The following SEZ6L variants were observed in gnomAD, a reference collection of about 807,000 sequenced individuals.
The protein encoded by SEZ6L is seizure related 6 homolog like.
Under a neutral mutation model 106.2 loss-of-function variants are expected in SEZ6L, and 37 were observed. The observed-to-expected ratio is 0.35, with a 90% CI of 0.27 to 0.46. The LOEUF is 0.46. SEZ6L is among the 20% of genes least tolerant of loss of function. The probability of loss-of-function intolerance (pLI) is 1.00; values close to 1 mark genes in which losing one functional copy is unlikely to be tolerated. For missense variants in SEZ6L, 1,172 were observed against 1,332.8 expected (o/e 0.88, Z 1.88); for synonymous variants, 541 against 570.4 (o/e 0.95, Z 0.73).
intron 1 of SEZ6L, among the ~76,000 whole-genome samples, chr22:26,267,430 G>T (rs1209609305): frequency 6.6e-6 from 1 of 152,212 alleles, no homozygotes; most frequent in Non-Finnish European, 1.5e-5. Flanking sequence ...GGACCTTTTT[G>T]TAGAGAGCTT....
chr22:26,237,351 C>T (rs1165727711), intron 1 of SEZ6L, among the ~76,000 whole-genome samples: 1 of 152,184 alleles, frequency 6.6e-6, no homozygotes, highest in African/African-American at 2.4e-5. Flanking sequence ...TCTGGTGCAA[C>T]GTCTCACAAA....
rs1017405674 is a variant in SEZ6L, at chr22:26,292,902, C to T, written c.591C>T (p.Pro197=). 7.4e-6 allele frequency: 12 copies of T among 1,614,046 alleles called. No homozygotes were observed. Among genetic ancestry groups the T allele is most frequent in the African/African-American group, 1.3e-5 (1 of 74,932 alleles). ...DRKESAVPTT[P]APLQISPFTS... is the part of the protein sequence containing the mutation. ...AGGAGAGTGCGGTCCCTACAACACC[C>T]GCACCCCTGCAAATCTCCCCCTTCA... The change falls in exon 2 of 17, where the codon CCC becomes CCT. Residue 197 remains proline (P), a synonymous_variant. Coordinates refer to ENST00000248933, the MANE Select transcript of SEZ6L (RefSeq NM_021115.5).
chr22:26,213,527 T>C (rs1184715942), intron 1 of SEZ6L, among the ~76,000 whole-genome samples: 1 of 152,228 alleles, frequency 6.6e-6, no homozygotes, highest in African/African-American at 2.4e-5. Flanking sequence ...TGCAGTTCAT[T>C]CACAGATCAC....
chr22:26,195,751 G>A (rs7287450), intron 1 of SEZ6L, among the ~76,000 whole-genome samples: 3,361 of 151,868 alleles, frequency 0.022, 122 homozygotes, highest in African/African-American at 0.076. Context: ...GTGTGTGTGT[G>A]TATATGTATA....
rs75990294 is a variant in SEZ6L, at chr22:26,219,256, T to G, written c.94+49493T>G. Among the ~76,000 whole-genome samples, 10 of 53,464 alleles carry G rather than the reference T, an allele frequency of 1.9e-4. No individual in the cohort carries two copies. In the South Asian group the frequency reaches 2.0e-3, roughly 11 times the overall value. 35.1% of individuals were successfully genotyped at this position (53,464 alleles called of 152,430 possible). On this transcript the variant is annotated intron_variant, in intron 1 of 16. Coordinates refer to ENST00000248933, the MANE Select transcript of SEZ6L (RefSeq NM_021115.5). ...TAGAAGATGTTCGAGAAATACAAGTTTTTTTTTTTTTTTTCGCTCCTGGCA... is the reference window on the plus strand; with the variant it reads ...TAGAAGATGTTCGAGAAATACAAGTGTTTTTTTTTTTTTTCGCTCCTGGCA...
intron 9 of SEZ6L, among the ~76,000 whole-genome samples, chr22:26,320,853 A>G (rs1408367399): frequency 1.3e-5 from 2 of 152,068 alleles, no homozygotes; most frequent in Non-Finnish European, 2.9e-5. Flanking sequence ...TGCGGGGGAG[A>G]GCACCCCCAG....
Position 26,350,465 on chromosome 22 carries a change from C to T in SEZ6L, c.2408-587C>T, listed in dbSNP as rs148418424. Reference sequence around the variant, plus strand: ...CTGGTCTCAAACTCCTGAGCTCAAGCGATTCATCCACCTCTGTCTTCCCTT... The same window carrying T: ...CTGGTCTCAAACTCCTGAGCTCAAGTGATTCATCCACCTCTGTCTTCCCTT... On this transcript the variant is annotated intron_variant, in intron 11 of 16. Transcript: ENST00000248933. Among the ~76,000 whole-genome samples the T allele has an allele frequency of 5.6e-3, 858 of 151,886 alleles. 8 individuals are homozygous for T. Among genetic ancestry groups the T allele is most frequent in the African/African-American group, 0.019 (783 of 41,410 alleles).
intron 12 of SEZ6L, chr22:26,351,544 T>TGTTG (rs71192916): frequency 7.1e-4 from 115 of 161,124 alleles, no homozygotes; most frequent in African/African-American, 4.1e-3. Flanking sequence ...TTTGTTTGTT[T>TGTTG]GTTGGTTGGT....
chr22:26,300,982 T>G (rs1016338364), intron 5 of SEZ6L, among the ~76,000 whole-genome samples: 4 of 152,226 alleles, frequency 2.6e-5, no homozygotes, highest in African/African-American at 9.7e-5. Flanking sequence ...ATTAAATATT[T>G]TTTTCTTTTC....
chr22:26,363,656 C>T (rs1017627751), intron 12 of SEZ6L, among the ~76,000 whole-genome samples: 3 of 152,172 alleles, frequency 2.0e-5, no homozygotes, highest in East Asian at 3.8e-4. Flanking sequence ...TCAAACAACA[C>T]GTTTATTATC....
intron 1 of SEZ6L, among the ~76,000 whole-genome samples, chr22:26,185,628 C>T (rs1040648358): frequency 3.3e-5 from 5 of 152,114 alleles, no homozygotes; most frequent in African/African-American, 1.2e-4. Context: ...ATGATTCGAC[C>T]CCCAAGCCAT....
intron 1 of SEZ6L, among the ~76,000 whole-genome samples, chr22:26,271,121 C>T (rs948731036): frequency 1.3e-5 from 2 of 152,132 alleles, no homozygotes; most frequent in Admixed American, 6.5e-5. Context: ...ACCATTCATT[C>T]GGTGCTTAGC....
chr22:26,175,067 A>G (rs1938886660), intron 1 of SEZ6L, among the ~76,000 whole-genome samples: 1 of 152,198 alleles, frequency 6.6e-6, no homozygotes, highest in South Asian at 2.1e-4. Flanking sequence ...ATCAAGTCCC[A>G]CTACTACCTT....
Position 26,365,523 on chromosome 22 carries a change from G to T in SEZ6L, c.2751G>T (p.Leu917=). Reference sequence around the variant, plus strand: ...GTGAAGTGACCATCCGCTGCATCCTGGGACAGCCATCCCACTGGAACGGGC... The same window carrying T: ...GTGAAGTGACCATCCGCTGCATCCTTGGACAGCCATCCCACTGGAACGGGC... ...LMGEVTIRCI[L]GQPSHWNGPL... is the part of the protein sequence containing the mutation. The change falls in exon 13 of 17, where the codon CTG becomes CTT. Residue 917 remains leucine (L), a synonymous_variant. Transcript: ENST00000248933. 1 of 1,614,110 alleles carries T rather than the reference G, an allele frequency of 6.2e-7. No individual in the cohort carries two copies. The highest frequency in any genetic ancestry group is 1.1e-5 in the South Asian group (1 of 91,072).
intron 9 of SEZ6L, among the ~76,000 whole-genome samples, chr22:26,325,774 A>G (rs1050097970): frequency 6.6e-6 from 1 of 151,244 alleles, no homozygotes; most frequent in African/African-American, 2.5e-5. Flanking sequence ...GAGTTCTGAG[A>G]TGATGAAATC....
Position 26,340,540 on chromosome 22 carries a change from A to G in SEZ6L, c.2120A>G (p.Tyr707Cys), listed in dbSNP as rs774563911. 3 of 1,613,842 alleles carry G rather than the reference A, an allele frequency of 1.9e-6. No homozygotes were observed. The highest frequency in any genetic ancestry group is 4.5e-5 in the East Asian group (2 of 44,854). ...GGGAACAGTGGCCCCCAGAAACTGT[A>G]CTCCTCCACGCCAGACTTAACCATC... ...YLGNSGPQKL[Y>C]SSTPDLTIQF... is the part of the protein sequence containing the mutation. The change falls in exon 10 of 17, where the codon TAC (tyrosine) becomes TGC (cysteine). Residue 707 changes from tyrosine (Y) to cysteine (C), a missense_variant. This residue lies in a region of SEZ6L where 534 missense variants were observed against 691.0 expected (regional missense o/e 0.77). Transcript: ENST00000248933.
chr22:26,349,652 A>T (rs753003750), intron 11 of SEZ6L, among the ~76,000 whole-genome samples: 1 of 152,166 alleles, frequency 6.6e-6, no homozygotes, highest in Non-Finnish European at 1.5e-5. Flanking sequence ...AGATGTGAAC[A>T]ACCACACCCA....
At chr22:26,199,460 C>T in intron 1 of SEZ6L, among the ~76,000 whole-genome samples, 1 of 152,118 alleles carries the variant, frequency 6.6e-6, no homozygotes, top group East Asian at 1.9e-4. Flanking sequence ...ATGTTGGGAG[C>T]CACTTTATAC....
intron 15 of SEZ6L, among the ~76,000 whole-genome samples, chr22:26,376,818 G>A (rs2084242570): frequency 6.6e-6 from 1 of 152,196 alleles, no homozygotes; most frequent in Non-Finnish European, 1.5e-5. Flanking sequence ...CATGTGCAAA[G>A]GTCCTGAGGC....
Sources: gnomAD v4.1 joint callset for allele counts (sites outside exome capture counted in the v4.1 genomes callset) on GRCh38, gnomAD v4.1.1 for gene constraint, gnomAD v4.1.1 regional missense constraint, MANE v1.5 for transcripts, NCBI Gene and HGNC (gene_info 2026-07-23, HGNC 2026-07-21) for gene names.